The following SYNE2 variants were observed in gnomAD, a reference collection of about 807,000 sequenced individuals.
SYNE2 encodes nesprin-2.
In SYNE2, 431 loss-of-function variants were observed where a neutral mutation model predicts 856.3. That is an observed-to-expected ratio of 0.50 (90% CI 0.47 to 0.55). The LOEUF (loss-of-function observed/expected upper bound fraction) is 0.55, where lower values mean the gene tolerates loss of function less well. Among genes scored for constraint, SYNE2 ranks in the 20% least tolerant of loss-of-function variants. SYNE2 has a pLI of 0.00. For missense variants in SYNE2, 8,129 were observed against 8,023.2 expected (o/e 1.01, Z -0.50); for synonymous variants, 2,923 against 2,872.3 (o/e 1.02, Z -0.56).
intron 10 of SYNE2, among the ~76,000 whole-genome samples, chr14:63,966,052 A>C (rs1222282769): frequency 2.0e-5 from 3 of 152,234 alleles, no homozygotes; most frequent in African/African-American, 7.2e-5. Flanking sequence ...AATGCTGTCA[A>C]TAATTCTGGA....
rs765896679 is a variant in SYNE2 at position 63,997,045 on chromosome 14, A to G, written c.3039A>G (p.Gln1013=). 1.2e-6 allele frequency: 2 copies of G among 1,614,142 alleles called. No individual in the cohort carries two copies. Among genetic ancestry groups the G allele is most frequent in the South Asian group, 1.1e-5 (1 of 91,086 alleles). ...CEELPSQKSQ[Q]EVKRLLKDYE... is the part of the protein sequence containing the mutation. ...AGCTGCCTTCACAGAAGAGTCAACA[A>G]GAAGTGAAGAGACTACTCAAAGATT... Residue 1013 remains glutamine, a synonymous_variant, in exon 24 of 116, where the codon CAA becomes CAG. Coordinates refer to ENST00000555002, the MANE Select transcript of SYNE2 (RefSeq NM_182914.3).
At chr14:63,980,542 A>G in intron 14 of SYNE2, 112 bp from the exon 15 acceptor site, 1 of 715,338 alleles carries the variant, frequency 1.4e-6, no homozygotes, top group East Asian at 2.8e-5. Context: ...TTAAAGCCCT[A>G]AAGAAATTTG....
At chr14:64,034,479 T>C in intron 45 of SYNE2, 1 of 493,678 alleles carries the variant, frequency 2.0e-6, no homozygotes, top group Non-Finnish European at 3.7e-6. Flanking sequence ...CTTTAGTAAA[T>C]GTCATTAATC....
chr14:64,138,609 C>G (rs1277425276), intron 79 of SYNE2, among the ~76,000 whole-genome samples: 1 of 151,912 alleles, frequency 6.6e-6, no homozygotes, highest in Non-Finnish European at 1.5e-5. Flanking sequence ...CATGATATTG[C>G]TCTTTCCAAA....
At position 64,053,223 on chromosome 14, in the gene SYNE2, A is replaced by G; in HGVS notation, c.9310A>G (p.Lys3104Glu). 1 of 1,612,740 alleles carries G rather than the reference A, an allele frequency of 6.2e-7. No homozygotes were observed. The highest frequency in any genetic ancestry group is 8.5e-7 in the Non-Finnish European group (1 of 1,179,598). Reference sequence around the variant, plus strand: ...GTGTTTATGTGATGAGATAATAAAGAAATTAAATGAAAATAAGACCTTTGA... The same window carrying G: ...GTGTTTATGTGATGAGATAATAAAGGAATTAAATGAAAATAAGACCTTTGA... ...AKCLCDEIIK[K>E]LNENKTFDDS... Residue 3104 changes from lysine to glutamate, a missense_variant, in exon 48 of 116, where the codon AAA (lysine) becomes GAA (glutamate). By Grantham distance (56) the Lys-to-Glu change is moderately conservative (BLOSUM62 1). Around this residue, in one of 3 missense-constraint regions of SYNE2, gnomAD observed 5,410 missense variants for 5,284.8 expected, o/e 1.02. Coordinates refer to ENST00000555002, the MANE Select transcript of SYNE2 (RefSeq NM_182914.3).
intron 8 of SYNE2, 43 bp downstream of exon 8, chr14:63,954,958 G>C (rs368187566): frequency 1.3e-6 from 2 of 1,505,464 alleles, no homozygotes; most frequent in African/African-American, 2.7e-5. Flanking sequence ...TTAAGGCTTA[G>C]CATGAAGTTG....
intron 100 of SYNE2, chr14:64,204,264 G>A (rs775376462): frequency 9.2e-5 from 14 of 152,132 alleles, no homozygotes; most frequent in African/African-American, 2.4e-4. Context: ...ATTTTAATGC[G>A]TCTCTCATTG....
chr14:64,039,118 G>A (rs1343468839), intron 45 of SYNE2, among the ~76,000 whole-genome samples: 1 of 151,658 alleles, frequency 6.6e-6, no homozygotes, highest in Admixed American at 6.6e-5. Flanking sequence ...TGTCTCTAAT[G>A]GTGATGATGT....
At chr14:63,914,551 G>GTATTAGA (rs1355148600) in intron 2 of SYNE2, among the ~76,000 whole-genome samples, 4 of 152,218 alleles carry the variant, frequency 2.6e-5, no homozygotes, top group Non-Finnish European at 2.9e-5. Flanking sequence ...CTATTAGGAA[G>GTATTAGA]TATTAGCAAA....
At chr14:63,901,896 G>T (rs1000193879) in intron 1 of SYNE2, among the ~76,000 whole-genome samples, 54 of 152,184 alleles carry the variant, frequency 3.5e-4, no homozygotes, top group African/African-American at 1.3e-3. Context: ...CTGTACTCCA[G>T]CCTGGGTGAC....
chr14:63,823,048 G>A (rs944710908), intron 1 of SYNE2, among the ~76,000 whole-genome samples: 13 of 152,086 alleles, frequency 8.5e-5, no homozygotes, highest in Non-Finnish European at 1.6e-4. Context: ...AGGTTGCAGT[G>A]AGCTATGACC....
At chr14:63,789,633 A>C (rs1239668826) in intron 1 of SYNE2, among the ~76,000 whole-genome samples, 1 of 152,012 alleles carries the variant, frequency 6.6e-6, no homozygotes, top group African/African-American at 2.4e-5. Flanking sequence ...AAAATACAAA[A>C]ATTAACCAGG....
chr14:63,910,273 G>T (rs2095457749), intron 2 of SYNE2, among the ~76,000 whole-genome samples: 2 of 152,130 alleles, frequency 1.3e-5, no homozygotes, highest in Admixed American at 6.6e-5. Context: ...TTAAATTAAA[G>T]ATCTGTTTTG....
intron 1 of SYNE2, among the ~76,000 whole-genome samples, chr14:63,807,167 C>T (rs1439650219): frequency 1.3e-5 from 2 of 151,686 alleles, no homozygotes; most frequent in Non-Finnish European, 2.9e-5. Flanking sequence ...ACAAAAAGTA[C>T]CAAAAAATAA....
chr14:64,167,110 G>C, intron 90 of SYNE2, 123 bp from the exon 91 acceptor site: 1 of 1,220,944 alleles, frequency 8.2e-7, no homozygotes, highest in South Asian at 1.3e-5. Context: ...CTGTTTGACT[G>C]TGGGCAAGTC....
rs771756508 is a variant in SYNE2 at position 64,051,888 on chromosome 14, C to T, written c.7975C>T (p.Arg2659Trp). 1.7e-5 allele frequency: 27 copies of T among 1,613,816 alleles called. No individual in the cohort carries two copies. The highest frequency in any genetic ancestry group is 8.0e-5 in the African/African-American group (6 of 74,914). The change falls in exon 48 of 116, where the codon CGG becomes TGG. Residue 2659 changes from arginine (R) to tryptophan (W), a missense_variant. Transcript: ENST00000555002. ...GTTAAGGCTGAAGTCTCCAGAAGAACGGGCAGGGAACCAAAGCATGATTGC... is the reference window on the plus strand; with the variant it reads ...GTTAAGGCTGAAGTCTCCAGAAGAATGGGCAGGGAACCAAAGCATGATTGC... ...LQLRLKSPEERAGNQSMIALT... is the reference protein window; with the variant it reads ...LQLRLKSPEEWAGNQSMIALT...
intron 105 of SYNE2, among the ~76,000 whole-genome samples, chr14:64,213,935 ATTATC>A (rs1195856114): frequency 6.6e-6 from 1 of 152,190 alleles, no homozygotes; most frequent in Non-Finnish European, 1.5e-5. Flanking sequence ...TTTAACTTAG[ATTATC>A]AAACTTCAGC....
intron 84 of SYNE2, among the ~76,000 whole-genome samples, chr14:64,147,937 G>A (rs571858525): frequency 2.0e-5 from 3 of 152,248 alleles, no homozygotes; most frequent in African/African-American, 4.8e-5. Flanking sequence ...TTATATCTAC[G>A]GTAGTTTAGC....
chr14:63,861,273 T>G (rs1461382371), intron 1 of SYNE2, among the ~76,000 whole-genome samples: 2 of 151,266 alleles, frequency 1.3e-5, no homozygotes, highest in African/African-American at 4.9e-5. Flanking sequence ...GACTCCTGAG[T>G]AGCTGGGATT....
Sources: gnomAD v4.1 joint callset for allele counts (sites outside exome capture counted in the v4.1 genomes callset) on GRCh38, gnomAD v4.1.1 for gene constraint, gnomAD v4.1.1 regional missense constraint, MANE v1.5 for transcripts, NCBI Gene and HGNC (gene_info 2026-07-23, HGNC 2026-07-21) for gene names.